The following PAK5 variants were observed in gnomAD, a reference collection of about 807,000 sequenced individuals.
The protein encoded by PAK5 is p21 (RAC1) activated kinase 5.
Under a neutral mutation model 65.9 loss-of-function variants are expected in PAK5, and 16 were observed. The observed-to-expected ratio is 0.24, with a 90% CI of 0.16 to 0.37. PAK5 has a LOEUF of 0.37. Ranked by LOEUF, PAK5 falls within the 10% of genes least tolerant of loss-of-function variation. The pLI is 1.00. For missense variants in PAK5, 785 were observed against 903.9 expected, an observed-to-expected ratio of 0.87 and a Z score of 1.69; for synonymous variants, 371 against 354.9, an observed-to-expected ratio of 1.05 and a Z score of -0.51.
intron 8 of PAK5, among the ~76,000 whole-genome samples, chr20:9,543,997 C>T (rs567354383): frequency 1.3e-5 from 2 of 152,268 alleles, no homozygotes; most frequent in East Asian, 1.9e-4. Context: ...TTCTTTGATC[C>T]TCTTTCCTTT....
intron 1 of PAK5, among the ~76,000 whole-genome samples, chr20:9,813,500 C>T (rs536122775): frequency 6.6e-6 from 1 of 152,026 alleles, no homozygotes; most frequent in South Asian, 2.1e-4. Flanking sequence ...TTAAGTAATA[C>T]AGTTAAAATT....
chr20:9,663,286 C>G (rs1298025235), intron 2 of PAK5, among the ~76,000 whole-genome samples: 1 of 152,110 alleles, frequency 6.6e-6, no homozygotes, highest in Non-Finnish European at 1.5e-5. Context: ...TGACTGGCCC[C>G]TTGTTGGTCT....
chr20:9,564,765 T>G (rs1364924146), intron 5 of PAK5, among the ~76,000 whole-genome samples: 1 of 152,056 alleles, frequency 6.6e-6, no homozygotes, highest in African/African-American at 2.4e-5. Flanking sequence ...AAGTGACAAA[T>G]TGGAAACAGT....
intron 1 of PAK5, among the ~76,000 whole-genome samples, chr20:9,729,110 C>A (rs1172972889): frequency 6.6e-6 from 1 of 151,924 alleles, no homozygotes; most frequent in Non-Finnish European, 1.5e-5. Context: ...TGGTGGGCAC[C>A]TGTAGTCCCA....
At chr20:9,561,537 T>C (rs2045590341) in intron 6 of PAK5, among the ~76,000 whole-genome samples, 1 of 152,240 alleles carries the variant, frequency 6.6e-6, no homozygotes, top group African/African-American at 2.4e-5. Flanking sequence ...GTGATAAATG[T>C]CTTCACTCAC....
At chr20:9,564,249 C>G (rs369336478) in intron 5 of PAK5, among the ~76,000 whole-genome samples, 13 of 152,282 alleles carry the variant, frequency 8.5e-5, no homozygotes, top group African/African-American at 2.9e-4. Flanking sequence ...GTTTCCCCAC[C>G]TATTTTAGAG....
At chr20:9,662,054 C>T (rs1246634938) in intron 2 of PAK5, among the ~76,000 whole-genome samples, 1 of 152,102 alleles carries the variant, frequency 6.6e-6, no homozygotes, top group Non-Finnish European at 1.5e-5. Flanking sequence ...CTGTAGAGGT[C>T]TTTTACTATG....
At chr20:9,768,809 AAG>A (rs2048800643) in intron 1 of PAK5, among the ~76,000 whole-genome samples, 2 of 143,420 alleles carry the variant, frequency 1.4e-5, no homozygotes, top group South Asian at 2.3e-4. Context: ...AAAAAAAAAA[AAG>A]GGAAAGAAAG....
intron 3 of PAK5, among the ~76,000 whole-genome samples, chr20:9,584,374 A>G (rs1288140104): frequency 6.6e-6 from 1 of 152,132 alleles, no homozygotes; most frequent in Non-Finnish European, 1.5e-5. Flanking sequence ...GTGTAGTGGC[A>G]TGATCTTGGC....
At chr20:9,724,633 T>G (rs117820238) in intron 1 of PAK5, among the ~76,000 whole-genome samples, 80 of 152,012 alleles carry the variant, frequency 5.3e-4, no homozygotes, top group Non-Finnish European at 8.5e-4. Context: ...AAGAGGGAGG[T>G]TGTTGGCAAT....
chr20:9,733,204 C>T (rs534878203), intron 1 of PAK5, among the ~76,000 whole-genome samples: 1 of 152,246 alleles, frequency 6.6e-6, no homozygotes, highest in Non-Finnish European at 1.5e-5. Context: ...TAAACAAATG[C>T]ATGCATAATT....
At chr20:9,803,105 C>A (rs1169809460) in intron 1 of PAK5, among the ~76,000 whole-genome samples, 4 of 151,434 alleles carry the variant, frequency 2.6e-5, no homozygotes, top group African/African-American at 7.3e-5. Flanking sequence ...AACACCCAAG[C>A]TTCCGGAAAT....
intron 3 of PAK5, among the ~76,000 whole-genome samples, chr20:9,621,076 A>G (rs1002422618): frequency 1.3e-5 from 2 of 151,988 alleles, no homozygotes; most frequent in Non-Finnish European, 2.9e-5. Flanking sequence ...AAGCAACAAG[A>G]GCATCTCTGT....
intron 6 of PAK5, 147 bp downstream of exon 6, chr20:9,562,744 G>T: frequency 1.5e-6 from 1 of 667,784 alleles, no homozygotes. Context: ...GAGCATAATG[G>T]GCCCTCTGGG....
In PAK5 at chr20:9,542,677, T is replaced by G. The variant is rs1171769971; in HGVS notation, c.1913A>C (p.Asp638Ala). 1 of 1,613,952 alleles carries G rather than the reference T, an allele frequency of 6.2e-7. No homozygotes were observed. Among genetic ancestry groups the G allele is most frequent in the Admixed American group, 1.7e-5 (1 of 60,018 alleles). Residue 638 changes from aspartate to alanine, a missense_variant, in exon 9 of 10, where the codon GAT becomes GCT. Asp to Ala is a moderately radical substitution (Grantham distance 126, BLOSUM62 -2). Transcript: ENST00000353224. ...CTCATTGAAGTAGGGGGGCTCGCCA[T>G]CAATCATTTCTATCACCATGATCCC... ...SLGIMVIEMI[D>A]GEPPYFNEPP...
At chr20:9,706,473 T>G (rs1318902750) in intron 2 of PAK5, among the ~76,000 whole-genome samples, 1 of 16,418 alleles carries the variant, frequency 6.1e-5, no homozygotes, top group Non-Finnish European at 1.4e-4. Flanking sequence ...TACAAACTCT[T>G]TTTTTTTTTT....
At chr20:9,606,235 C>T (rs975254400) in intron 3 of PAK5, among the ~76,000 whole-genome samples, 4 of 152,132 alleles carry the variant, frequency 2.6e-5, no homozygotes, top group Non-Finnish European at 5.9e-5. Flanking sequence ...CTCCTGCCGC[C>T]CTCTCTTCCT....
chr20:9,690,436 T>C (rs2050104), intron 2 of PAK5, among the ~76,000 whole-genome samples: 77,308 of 151,914 alleles, frequency 0.51, 21,313 homozygotes, highest in African/African-American at 0.73. Context: ...GCAGGGTAGT[T>C]TATCTGGGAA....
At chr20:9,642,956 T>C (rs540792532) in intron 3 of PAK5, among the ~76,000 whole-genome samples, 1 of 152,338 alleles carries the variant, frequency 6.6e-6, no homozygotes, top group South Asian at 2.1e-4. Context: ...CAGAATAGAA[T>C]GACCAGCACT....
Sources: gnomAD v4.1 joint callset for allele counts (sites outside exome capture counted in the v4.1 genomes callset) on GRCh38, gnomAD v4.1.1 for gene constraint, MANE v1.5 for transcripts, NCBI Gene and HGNC (gene_info 2026-07-23, HGNC 2026-07-21) for gene names.